HDAC2: variants seen among roughly 807,000 people sequenced by gnomAD.
The protein encoded by HDAC2 is histone deacetylase 2.
In HDAC2, 5 loss-of-function variants were observed where a neutral mutation model predicts 68.5. The observed-to-expected ratio is 0.07, with a 90% confidence interval of 0.04 to 0.15. The LOEUF (loss-of-function observed/expected upper bound fraction) is 0.15. Ranked by LOEUF, HDAC2 falls within the 10% of genes least tolerant of loss-of-function variation. The pLI, the probability that HDAC2 is intolerant of heterozygous loss-of-function variation, is 1.00. For synonymous variants in HDAC2, 182 were observed against 191.3 expected (o/e 0.95, Z 0.40); for missense variants, 291 against 600.8 (o/e 0.48, Z 5.39).
intron 3 of HDAC2, among the ~76,000 whole-genome samples, chr6:113,957,981 G>T (rs540748809): frequency 1.2e-4 from 19 of 152,214 alleles, no homozygotes; most frequent in African/African-American, 4.6e-4. Flanking sequence ...GCAGAAATGT[G>T]TATGAGGTTG....
At chr6:113,956,868 T>C (rs1223187075) in intron 3 of HDAC2, 175 bp from the exon 4 acceptor site, 16 of 546,690 alleles carry the variant, frequency 2.9e-5, no homozygotes, top group Non-Finnish European at 5.2e-5. Context: ...TTATCCAAGG[T>C]AATTAAAGTG....
Position 113,970,758 on chromosome 6 carries a change from C to T in HDAC2, c.52+99G>A, listed in dbSNP as rs1477513328. 4 of 1,428,148 alleles carry T rather than the reference C, an allele frequency of 2.8e-6. No homozygotes were observed. The South Asian group carries it at 4.5e-5, about 16-fold the overall frequency. The allele number at this position is 1,428,148 out of a possible 1,614,324, so 88.5% of individuals were successfully genotyped here. ...ATGCGGCCAAATGTCGGTCCCTCCT[C>T]CTTCCCACCCCTCAGCCCCGGCGCC... On this transcript the variant is annotated intron_variant, in intron 1 of 13. Coordinates refer to ENST00000519065, the MANE Select transcript of HDAC2 (RefSeq NM_001527.4).
intron 1 of HDAC2, among the ~76,000 whole-genome samples, chr6:113,960,456 T>A (rs1384939092): frequency 6.6e-6 from 1 of 152,060 alleles, no homozygotes. Context: ...AATTGGCGTT[T>A]TGCATGTTAA....
Position 113,943,341 on chromosome 6 carries a change from C to T in HDAC2, c.1378+10G>A, listed in dbSNP as rs1301182298. ...CAATTAAAACACAATTACCAAGAAA[C>T]AAATCTGACCTGTTTTTTTGTCCTC... is the stretch of plus-strand genomic sequence containing the variant. On this transcript the variant is annotated intron_variant, in intron 12 of 13. Transcript: ENST00000519065. The T allele has an allele frequency of 1.3e-6, 2 of 1,585,780 alleles. No individual in the cohort carries two copies. Among genetic ancestry groups the T allele is most frequent in the South Asian group, 2.3e-5 (2 of 85,962 alleles).
Position 113,949,183 on chromosome 6 carries a change from C to T in HDAC2, c.717G>A (p.Gly239=). 6.2e-7 allele frequency: 1 copy of T among 1,607,080 alleles called. No homozygotes were observed. The highest frequency in any genetic ancestry group is 8.5e-7 in the Non-Finnish European group (1 of 1,173,658). ...TAATACTTACAGGCTTAAATATCTG[C>T]CCATATGACTCATCATCTATACCAT... ...MRDGIDDESY[G]QIFKPIISKV... Residue 239 remains glycine, a synonymous_variant, in exon 7 of 14, where the codon GGG becomes GGA. Coordinates refer to ENST00000519065, the MANE Select transcript of HDAC2 (RefSeq NM_001527.4).
In HDAC2 at chr6:113,933,847, CTCTT is replaced by C. The variant is rs564951190; in HGVS notation, c.*7207_*7210del. The C allele has an allele frequency of 4.9e-4, 75 of 151,752 alleles. 1 individual carries two copies. Among genetic ancestry groups the C allele is most frequent in the Non-Finnish European group, 8.5e-4 (58 of 67,930 alleles). The allele number at this position is 151,752 out of a possible 1,614,324, so 9.4% of individuals were successfully genotyped here. On this transcript the variant is annotated 3_prime_UTR_variant, in exon 14 of 14. Coordinates refer to ENST00000519065, the MANE Select transcript of HDAC2 (RefSeq NM_001527.4). ...TGTATACATATATATAGAAGGAATT[CTCTT>C]TCTTTTATCCCTTATTCCAATCCTG...
chr6:113,955,983 T>C (rs1468511446), intron 5 of HDAC2, 30 bp downstream of exon 5: 6 of 1,518,238 alleles, frequency 4.0e-6, no homozygotes, highest in South Asian at 1.2e-5. Context: ...ACTTTATCAC[T>C]GAAAAGAGTA....
chr6:113,964,518 C>A (rs1008795760), intron 1 of HDAC2, among the ~76,000 whole-genome samples: 1 of 152,048 alleles, frequency 6.6e-6, no homozygotes, highest in African/African-American at 2.4e-5. Context: ...AAATCAAGAG[C>A]CTACCATGTG....
chr6:113,933,443 G>GA lies in HDAC2; in HGVS notation c.*7614dup, dbSNP rs1357784374. On this transcript the variant is annotated 3_prime_UTR_variant, in exon 14 of 14. Transcript: ENST00000519065. ...CAGTTATTCTGACTCCTGGACCTGA[G>GA]ATTCGATCCTATCCCATCCCATCTT... 1.3e-5 allele frequency: 2 copies of GA among 151,936 alleles called. No homozygotes were observed. The highest frequency in any genetic ancestry group is 2.4e-5 in the African/African-American group (1 of 41,342). The allele number at this position is 151,936 out of a possible 1,614,324, so 9.4% of individuals were successfully genotyped here.
intron 12 of HDAC2, among the ~76,000 whole-genome samples, chr6:113,942,615 ATATT>A (rs1776162326): frequency 6.6e-6 from 1 of 152,144 alleles, no homozygotes; most frequent in South Asian, 2.1e-4. Context: ...GAGAATACAA[ATATT>A]TAAGATACTG....
chr6:113,949,131 G>A, intron 7 of HDAC2, 37 bp downstream of exon 7: 1 of 1,606,862 alleles, frequency 6.2e-7, no homozygotes, highest in Non-Finnish European at 8.5e-7. Context: ...ATAACATTCT[G>A]AAATTCCATT....
chr6:113,934,150 T>C lies in HDAC2; in HGVS notation c.*6908A>G, dbSNP rs905316471. ...TTCATACCTATTACACATAAAGATATAAAGGCATATTTTGGACTTTAAAGA... is the reference window on the plus strand; with the variant it reads ...TTCATACCTATTACACATAAAGATACAAAGGCATATTTTGGACTTTAAAGA... On this transcript the variant is annotated 3_prime_UTR_variant, in exon 14 of 14. Transcript: ENST00000519065. The C allele has an allele frequency of 3.3e-5, 5 of 152,136 alleles. No individual in the cohort carries two copies. The highest frequency in any genetic ancestry group is 1.2e-4 in the African/African-American group (5 of 41,424). 9.4% of individuals were successfully genotyped at this position (152,136 alleles called of 1,614,324 possible).
At chr6:113,955,982 C>A in intron 5 of HDAC2, 31 bp downstream of exon 5, 1 of 1,511,096 alleles carries the variant, frequency 6.6e-7, no homozygotes, top group South Asian at 1.2e-5. Context: ...CACTTTATCA[C>A]TGAAAAGAGT....
chr6:113,952,758 T>TA (rs562700369), intron 6 of HDAC2, among the ~76,000 whole-genome samples: 20 of 152,132 alleles, frequency 1.3e-4, no homozygotes, highest in Non-Finnish European at 2.4e-4. Flanking sequence ...AAAATAGAAA[T>TA]ACACTTAATG....
intron 3 of HDAC2, chr6:113,958,421 T>C (rs1287706137): frequency 1.1e-5 from 4 of 374,406 alleles, no homozygotes; most frequent in Admixed American, 9.4e-5. Context: ...GGGAGCAAAC[T>C]AGGAGTAGAA....
intron 1 of HDAC2, among the ~76,000 whole-genome samples, chr6:113,965,076 G>C (rs949848068): frequency 3.9e-5 from 6 of 152,106 alleles, no homozygotes; most frequent in African/African-American, 1.4e-4. Flanking sequence ...CAATTATTTT[G>C]AGAGAATGCA....
intron 1 of HDAC2, chr6:113,969,735 T>C (rs980698300): frequency 5.9e-5 from 9 of 152,352 alleles, no homozygotes; most frequent in South Asian, 4.1e-4. Context: ...AATTATAGAA[T>C]GCTTAAGATA....
intron 1 of HDAC2, chr6:113,968,220 C>G (rs1053848162): frequency 6.6e-6 from 1 of 152,132 alleles, no homozygotes; most frequent in Non-Finnish European, 1.5e-5. Flanking sequence ...CACTTTCTTC[C>G]TTCTACTTCC....
At chr6:113,953,144 G>A (rs1776461970) in intron 6 of HDAC2, 133 bp downstream of exon 6, 1 of 634,258 alleles carries the variant, frequency 1.6e-6, no homozygotes, top group Non-Finnish European at 2.7e-6. Flanking sequence ...AAATGTTACT[G>A]CATACGTAGT....
Sources: allele counts gnomAD v4.1 joint callset (sites outside exome capture counted in the v4.1 genomes callset), GRCh38; gene constraint gnomAD v4.1.1; transcripts MANE v1.5; gene names NCBI Gene and HGNC (gene_info 2026-07-23, HGNC 2026-07-21).